Variants in WDFY3 observed in about 807,000 individuals in gnomAD.
The protein encoded by WDFY3 is WD repeat and FYVE domain containing 3.
A neutral mutation model predicts 409.6 loss-of-function variants in WDFY3; 66 were observed. The observed-to-expected ratio is 0.16, with a 90% CI of 0.13 to 0.20. The LOEUF is 0.20. Among genes scored for constraint, WDFY3 ranks in the 10% least tolerant of loss-of-function variants. The pLI is 1.00. For missense variants in WDFY3, 3,031 were observed against 4,298.1 expected (o/e 0.71, Z 8.24); for synonymous variants, 1,521 against 1,537.1 (o/e 0.99, Z 0.25).
Position 84,916,230 on chromosome 4 carries a change from G to T in WDFY3, c.-132+16040C>A, listed in dbSNP as rs150495127. Among the ~76,000 whole-genome samples the T allele has an allele frequency of 2.6e-5, 4 of 152,218 alleles. No individual in the cohort carries two copies. The East Asian group carries it at 7.7e-4, about 29-fold the overall frequency. ...AAAGGTAAGTTCATCAGTTCATCTA[G>T]TAAGTTCACAAGAGATGGGCAGAGA... is the stretch of plus-strand genomic sequence containing the variant. On this transcript the variant is annotated intron_variant, in intron 2 of 67. Coordinates refer to ENST00000295888, the MANE Select transcript of WDFY3 (RefSeq NM_014991.6).
At chr4:84,829,224 ATTCCTGACAATCGC>A (rs1703629469) in intron 8 of WDFY3, 34 bp from the exon 9 acceptor site, 1 of 1,467,678 alleles carries the variant, frequency 6.8e-7, no homozygotes, top group South Asian at 1.5e-5. Flanking sequence ...AATATGCATT[ATTCCTGACAATCGC>A]TTAAAAATTT....
intron 2 of WDFY3, among the ~76,000 whole-genome samples, chr4:84,909,922 T>C (rs1767540930): frequency 6.6e-6 from 1 of 152,198 alleles, no homozygotes; most frequent in Non-Finnish European, 1.5e-5. Context: ...TAAGTATTCA[T>C]AATAAATTTA....
In WDFY3 at chr4:84,757,072, G is replaced by C; in HGVS notation, c.5278C>G (p.Gln1760Glu). 1 of 1,614,080 alleles carries C rather than the reference G, an allele frequency of 6.2e-7. No homozygotes were observed. The highest frequency in any genetic ancestry group is 8.5e-7 in the Non-Finnish European group (1 of 1,179,970). Residue 1760 changes from glutamine to glutamate, a missense_variant, in exon 33 of 68, where the codon CAG (glutamine) becomes GAG (glutamate). By Grantham distance (29) the Gln-to-Glu change is conservative. Transcript: ENST00000295888. ...ACHFPGFPVL[Q>E]SFLPKHTNVP... ...TTAGTGTGTTTAGGAAGGAATGACT[G>C]AAGGACTGGAAAACCAGGAAAATGA...
intron 2 of WDFY3, among the ~76,000 whole-genome samples, chr4:84,922,694 C>T (rs1007471576): frequency 3.3e-5 from 5 of 151,920 alleles, no homozygotes; most frequent in Non-Finnish European, 7.4e-5. Flanking sequence ...GGGTCTCGCT[C>T]TTCTGCTCAG....
Position 84,702,347 on chromosome 4 carries a change from A to G in WDFY3, c.8596+6T>C, listed in dbSNP as rs1431859278. 3.7e-6 allele frequency: 6 copies of G among 1,601,736 alleles called. No homozygotes were observed. The highest frequency in any genetic ancestry group is 2.2e-5 in the East Asian group (1 of 44,810). On this transcript the variant is annotated splice_donor_region_variant and intron_variant, in intron 56 of 67. Coordinates refer to ENST00000295888, the MANE Select transcript of WDFY3 (RefSeq NM_014991.6). The stretch of plus-strand genomic sequence containing the variant: ...ATTCCTAAGACAGTGCCATAGCTCT[A>G]CGTACCTAGATCAAAGTTGTTGGAA...
intron 3 of WDFY3, among the ~76,000 whole-genome samples, chr4:84,878,212 A>G: frequency 6.6e-6 from 1 of 152,298 alleles, no homozygotes; most frequent in South Asian, 2.1e-4. Context: ...ATGATGACAA[A>G]AGGCAATAAG....
intron 8 of WDFY3, among the ~76,000 whole-genome samples, chr4:84,829,862 T>C (rs149161368): frequency 0.012 from 1,851 of 149,872 alleles, 24 homozygotes; most frequent in Non-Finnish European, 0.019. Context: ...AGAGAGACTA[T>C]AGACCAATGA....
At chr4:84,762,184 T>C (rs1027485015) in intron 32 of WDFY3, among the ~76,000 whole-genome samples, 5 of 151,584 alleles carry the variant, frequency 3.3e-5, no homozygotes, top group Admixed American at 6.6e-5. Context: ...TGCGGCACTA[T>C]TCACAATAGC....
In WDFY3 at chr4:84,923,753, C is replaced by T. The variant is rs1225275495; in HGVS notation, c.-132+8517G>A. ...ATGGCTCATGCCTGTAATCCCAGCA[C>T]TTTGGGAGGCTGAGGCAGGTGGATC... is the stretch of plus-strand genomic sequence containing the variant. On this transcript the variant is annotated intron_variant, in intron 2 of 67. Coordinates refer to ENST00000295888, the MANE Select transcript of WDFY3 (RefSeq NM_014991.6). Among the ~76,000 whole-genome samples, 3 of 152,278 alleles carry T rather than the reference C, an allele frequency of 2.0e-5. 1 individual carries two copies. The highest frequency in any genetic ancestry group is 2.0e-4 in the Admixed American group (3 of 15,290).
chr4:84,739,085 G>A lies in WDFY3; in HGVS notation c.6499C>T (p.Arg2167Cys). 1.9e-6 allele frequency: 3 copies of A among 1,614,070 alleles called. No homozygotes were observed. Among genetic ancestry groups the A allele is most frequent in the East Asian group, 2.2e-5 (1 of 44,876 alleles). ...ATCATAATGTGCCATGTGGTCATGC[G>A]GGCTTCTGCTTCCAGTCCAAATCCA... ...VDGFGLEAEA[R>C]MTTWHIMIPS... The change falls in exon 40 of 68, where the codon CGC (arginine) becomes TGC (cysteine). Residue 2167 changes from arginine to cysteine, a missense_variant. This residue lies in a region of WDFY3 where 314 missense variants were observed against 397.4 expected (regional missense o/e 0.79). Coordinates refer to ENST00000295888, the MANE Select transcript of WDFY3 (RefSeq NM_014991.6).
chr4:84,794,093 T>A (rs1375447981), intron 21 of WDFY3, among the ~76,000 whole-genome samples: 1 of 152,218 alleles, frequency 6.6e-6, no homozygotes, highest in African/African-American at 2.4e-5. Context: ...TAAAATAGTA[T>A]GTATTACATC....
At chr4:84,757,760 T>C (rs1324720270) in intron 32 of WDFY3, among the ~76,000 whole-genome samples, 1 of 152,170 alleles carries the variant, frequency 6.6e-6, no homozygotes, top group Non-Finnish European at 1.5e-5. Context: ...TGTAACTTGC[T>C]ATAATGTAGT....
At chr4:84,705,254 G>A in intron 54 of WDFY3, 140 bp downstream of exon 54, 1 of 673,508 alleles carries the variant, frequency 1.5e-6, no homozygotes, top group Non-Finnish European at 2.6e-6. Context: ...ATAATAATCT[G>A]CATATATGTG....
chr4:84,787,862 G>A, intron 22 of WDFY3, 149 bp from the exon 23 acceptor site: 2 of 692,918 alleles, frequency 2.9e-6, no homozygotes, highest in Non-Finnish European at 2.4e-6. Flanking sequence ...GAAGGGCAAG[G>A]CACGATACTG....
At chr4:84,787,365 A>T in intron 23 of WDFY3, 117 bp downstream of exon 23, 1 of 924,346 alleles carries the variant, frequency 1.1e-6, no homozygotes, top group Non-Finnish European at 1.6e-6. Flanking sequence ...GAAGAAGATT[A>T]GAGGAGAAGG....
rs996605592 is a variant in WDFY3 at position 84,752,517 on chromosome 4, C to T, written c.5740-801G>A. 7.0e-5 allele frequency among the ~76,000 whole-genome samples: 10 copies of T among 143,188 alleles called. No individual in the cohort carries two copies. In the South Asian group the frequency reaches 1.3e-3, roughly 19 times the overall value. The allele number at this position is 143,188 out of a possible 152,430, so 93.9% of individuals were successfully genotyped here. On this transcript the variant is annotated intron_variant, in intron 35 of 67. Transcript: ENST00000295888. ...TGCACTCCAGCCGGGATGACAAGAG[C>T]GAAACCCCGTCTCAAAAAAAAAAAA...
intron 1 of WDFY3, among the ~76,000 whole-genome samples, chr4:84,959,978 T>C (rs567444861): frequency 2.4e-4 from 37 of 152,264 alleles, no homozygotes; most frequent in African/African-American, 8.7e-4. Flanking sequence ...TCAAAGATAA[T>C]ATGATCGAAT....
intron 63 of WDFY3, chr4:84,683,008 A>T (rs1268705892): frequency 6.5e-6 from 1 of 153,990 alleles, no homozygotes; most frequent in African/African-American, 2.4e-5. Flanking sequence ...AACATAGTTC[A>T]ACTAAGTAAA....
chr4:84,868,055 G>C (rs1761647269), intron 3 of WDFY3, among the ~76,000 whole-genome samples: 1 of 151,522 alleles, frequency 6.6e-6, no homozygotes, highest in Admixed American at 6.6e-5. Flanking sequence ...TGTAGTCCCA[G>C]CTACTCAGGA....
Sources: allele counts gnomAD v4.1 joint callset (sites outside exome capture counted in the v4.1 genomes callset), GRCh38; gene constraint gnomAD v4.1.1; regional missense constraint gnomAD v4.1.1; transcripts MANE v1.5; gene names NCBI Gene and HGNC (gene_info 2026-07-23, HGNC 2026-07-21).